DDX10: variants seen among roughly 807,000 people sequenced by gnomAD.
DDX10 encodes probable ATP-dependent RNA helicase DDX10.
In DDX10, 74 loss-of-function variants were observed where a neutral mutation model predicts 104.3. The observed-to-expected ratio is 0.71, with a 90% CI of 0.59 to 0.86. The LOEUF is 0.86. DDX10 is among the 40% of genes least tolerant of loss of function. The pLI, the probability that DDX10 is intolerant of heterozygous loss-of-function variation, is 0.00. For missense variants in DDX10, 952 were observed against 1,040.0 expected (o/e 0.92, Z 1.16); for synonymous variants, 351 against 353.4 (o/e 0.99, Z 0.08).
At chr11:108,804,267 G>A (rs1862066025) in intron 13 of DDX10, among the ~76,000 whole-genome samples, 2 of 152,210 alleles carry the variant, frequency 1.3e-5, no homozygotes, top group East Asian at 3.9e-4. Context: ...AGAGGCCGAG[G>A]AGGGAGGATT....
chr11:108,889,693 A>G (rs1015706783), intron 16 of DDX10, among the ~76,000 whole-genome samples: 5 of 152,192 alleles, frequency 3.3e-5, no homozygotes, highest in African/African-American at 9.6e-5. Flanking sequence ...ATAGCCATTT[A>G]CCTGTGTGCT....
At chr11:108,933,624 T>C (rs932829745) in intron 17 of DDX10, among the ~76,000 whole-genome samples, 1 of 152,244 alleles carries the variant, frequency 6.6e-6, no homozygotes, top group Non-Finnish European at 1.5e-5. Flanking sequence ...ACTTCTTTTT[T>C]ACAATATAAT....
intron 16 of DDX10, among the ~76,000 whole-genome samples, chr11:108,895,208 A>G (rs996771705): frequency 1.3e-5 from 2 of 152,004 alleles, no homozygotes; most frequent in Non-Finnish European, 2.9e-5. Context: ...TATTCTCTTA[A>G]ACTCTTCAGG....
intron 13 of DDX10, among the ~76,000 whole-genome samples, chr11:108,758,933 T>C (rs111615474): frequency 4.3e-4 from 65 of 152,084 alleles, no homozygotes; most frequent in African/African-American, 1.4e-3. Flanking sequence ...ATGATAAAGC[T>C]CCATTCAGTT....
chr11:108,699,867 T>C (rs545440643), intron 9 of DDX10, among the ~76,000 whole-genome samples: 1 of 152,328 alleles, frequency 6.6e-6, no homozygotes, highest in South Asian at 2.1e-4. Context: ...GGTTATTTTC[T>C]TGCCAAATTA....
chr11:108,880,811 A>G (rs2134631774), intron 16 of DDX10, among the ~76,000 whole-genome samples: 1 of 152,316 alleles, frequency 6.6e-6, no homozygotes, highest in African/African-American at 2.4e-5. Context: ...AATCAAAGCT[A>G]TTATTACCAA....
chr11:108,873,241 A>G (rs138975775), intron 16 of DDX10, among the ~76,000 whole-genome samples: 1 of 152,244 alleles, frequency 6.6e-6, no homozygotes, highest in Non-Finnish European at 1.5e-5. Flanking sequence ...TGGGTAGACA[A>G]GGATGTCTTA....
At chr11:108,795,474 A>G (rs977078296) in intron 13 of DDX10, among the ~76,000 whole-genome samples, 3 of 147,206 alleles carry the variant, frequency 2.0e-5, no homozygotes, top group African/African-American at 7.5e-5. Context: ...TATATTTCCT[A>G]ATGCTATCTC....
chr11:108,867,552 A>G (rs1464731309), intron 16 of DDX10, among the ~76,000 whole-genome samples: 2 of 152,200 alleles, frequency 1.3e-5, no homozygotes, highest in Admixed American at 1.3e-4. Flanking sequence ...CTGTCAGTCA[A>G]CATAGAAGTC....
At chr11:108,690,789 C>A in intron 7 of DDX10, 2 of 251,554 alleles carry the variant, frequency 8.0e-6, no homozygotes, top group South Asian at 4.9e-5. Context: ...GGGACTTGGT[C>A]TTCATGTCCT....
At chr11:108,836,708 C>T (rs888357342) in intron 13 of DDX10, among the ~76,000 whole-genome samples, 3 of 152,090 alleles carry the variant, frequency 2.0e-5, no homozygotes, top group Non-Finnish European at 2.9e-5. Flanking sequence ...GGGCTGGTCT[C>T]GAACTCCTGA....
intron 14 of DDX10, 89 bp downstream of exon 14, chr11:108,838,654 G>C: frequency 7.1e-7 from 1 of 1,407,830 alleles, no homozygotes; most frequent in South Asian, 1.5e-5. Flanking sequence ...ATTAATGATA[G>C]AGTAAATGTT....
chr11:108,786,574 T>C (rs1168083074), intron 13 of DDX10, among the ~76,000 whole-genome samples: 1 of 152,166 alleles, frequency 6.6e-6, no homozygotes, highest in Non-Finnish European at 1.5e-5. Flanking sequence ...AGTTAAGTCT[T>C]CTTGTTGAAT....
At position 108,865,008 on chromosome 11, in the gene DDX10, G is replaced by A. The variant is rs565135093; in HGVS notation, c.2304+12799G>A. 3.0e-4 allele frequency among the ~76,000 whole-genome samples: 45 copies of A among 152,268 alleles called. 1 individual carries two copies. The South Asian group carries it at 6.2e-3, about 21-fold the overall frequency. On this transcript the variant is annotated intron_variant, in intron 16 of 17. Transcript: ENST00000322536. Reference sequence around the variant, plus strand: ...ATCTAAAACCAATGCTGGGATATAAGGGCATCAGAATATGAGAGGTATGTT... The same window carrying A: ...ATCTAAAACCAATGCTGGGATATAAAGGCATCAGAATATGAGAGGTATGTT...
At chr11:108,710,068 A>G (rs781570263) in intron 10 of DDX10, among the ~76,000 whole-genome samples, 2 of 152,232 alleles carry the variant, frequency 1.3e-5, no homozygotes, top group Non-Finnish European at 2.9e-5. Flanking sequence ...GTATCTAAGC[A>G]TGTCTAAACA....
At chr11:108,869,450 T>C (rs1279882737) in intron 16 of DDX10, among the ~76,000 whole-genome samples, 1 of 152,126 alleles carries the variant, frequency 6.6e-6, no homozygotes, top group Non-Finnish European at 1.5e-5. Context: ...CTTTTGTCAA[T>C]TGTGAATTGT....
Position 108,723,058 on chromosome 11 carries a change from A to G in DDX10, c.1561A>G (p.Thr521Ala). ...RFLQKMQKQP[T>A]KELVRSQADK... ...TCTTCAGAAAATGCAGAAACAACCCACCAAAGAATTGGTAAGGAGCCAAGC... is the reference window on the plus strand; with the variant it reads ...TCTTCAGAAAATGCAGAAACAACCCGCCAAAGAATTGGTAAGGAGCCAAGC... The change falls in exon 13 of 18, where the codon ACC (threonine) becomes GCC (alanine). Residue 521 changes from threonine to alanine, a missense_variant. This residue lies in a region of DDX10 where 533 missense variants were observed against 534.1 expected (regional missense o/e 1.00). Transcript: ENST00000322536. The G allele has an allele frequency of 6.2e-7, 1 of 1,613,262 alleles. No individual in the cohort carries two copies. The highest frequency in any genetic ancestry group is 8.5e-7 in the Non-Finnish European group (1 of 1,179,728).
intron 1 of DDX10, among the ~76,000 whole-genome samples, chr11:108,672,304 C>G (rs567040939): frequency 6.6e-6 from 1 of 152,178 alleles, no homozygotes; most frequent in South Asian, 2.1e-4. Context: ...GCATTCCATT[C>G]CCTTTGAAAA....
At chr11:108,788,593 C>T (rs1861827962) in intron 13 of DDX10, among the ~76,000 whole-genome samples, 2 of 152,212 alleles carry the variant, frequency 1.3e-5, no homozygotes, top group African/African-American at 4.8e-5. Context: ...GAACTCCCGA[C>T]CTCAGGTGAT....
Sources: gnomAD v4.1 joint callset for allele counts (sites outside exome capture counted in the v4.1 genomes callset) on GRCh38, gnomAD v4.1.1 for gene constraint, gnomAD v4.1.1 regional missense constraint, MANE v1.5 for transcripts, NCBI Gene and HGNC (gene_info 2026-07-23, HGNC 2026-07-21) for gene names.